ING4: variants seen among roughly 807,000 people sequenced by gnomAD.
ING4 encodes the protein inhibitor of growth protein 4.
In ING4, 28 loss-of-function variants were observed where a neutral mutation model predicts 33.1. The observed-to-expected ratio is 0.85, with a 90% confidence interval of 0.63 to 1.16. The LOEUF is 1.16. ING4 is among the 50% of genes most tolerant of loss of function. The pLI is 0.00. For synonymous variants in ING4, 87 were observed against 104.4 expected, an observed-to-expected ratio of 0.83 and a Z score of 1.02; for missense variants, 247 against 314.7, an observed-to-expected ratio of 0.78 and a Z score of 1.63.
chr12:6,659,123 T>C (rs1472845574), intron 1 of ING4, among the ~76,000 whole-genome samples: 2 of 152,222 alleles, frequency 1.3e-5, no homozygotes. Flanking sequence ...CAACTGTAAT[T>C]AAATAAATGT....
At chr12:6,651,978 G>C (rs1949195897) in intron 6 of ING4, among the ~76,000 whole-genome samples, 1 of 150,898 alleles carries the variant, frequency 6.6e-6, no homozygotes, top group Admixed American at 6.7e-5. Flanking sequence ...TCTCGCCTCA[G>C]CCTCCCGAGT....
At chr12:6,652,221 T>C (rs1184555139) in intron 6 of ING4, 50 bp downstream of exon 6, 1 of 1,590,934 alleles carries the variant, frequency 6.3e-7, no homozygotes, top group South Asian at 1.1e-5. Context: ...TTGTACCCAC[T>C]CCCTTCATGC....
At chr12:6,660,750 G>A (rs1301287747) in intron 1 of ING4, among the ~76,000 whole-genome samples, 4 of 152,336 alleles carry the variant, frequency 2.6e-5, no homozygotes, top group Non-Finnish European at 5.9e-5. Context: ...ATCTAATGGT[G>A]TTATTAAGCC....
In ING4 at chr12:6,656,618, G is replaced by A. The variant is rs185477072; in HGVS notation, c.109+109C>T. The A allele has an allele frequency of 1.9e-4, 130 of 698,656 alleles. 1 individual carries two copies. In the East Asian group the frequency reaches 3.6e-3, roughly 19 times the overall value. The allele number at this position is 698,656 out of a possible 1,614,324, so 43.3% of individuals were successfully genotyped here. On this transcript the variant is annotated intron_variant, in intron 2 of 7. Transcript: ENST00000341550. ...TTCCAAGAGCGTAAAAAAGGAGCGAGAGAAGCCACAGTTCTCCAGATCATA... is the reference window on the plus strand; with the variant it reads ...TTCCAAGAGCGTAAAAAAGGAGCGAAAGAAGCCACAGTTCTCCAGATCATA...
rs2136274854 is a variant in ING4 at position 6,656,727 on chromosome 12, C to T, written c.109G>A (p.Asp37Asn). Residue 37 changes from aspartate to asparagine, a missense_variant and splice_region_variant, in exon 2 of 8, where the codon GAC becomes AAC. Physicochemically the swap from Asp to Asn is conservative, Grantham distance 23 (BLOSUM62 1). This residue lies in a region of ING4 where 198 missense variants were observed against 221.2 expected (regional missense o/e 0.89). Coordinates refer to ENST00000341550, the MANE Select transcript of ING4 (RefSeq NM_016162.4). ...CAAAAACTTTTTACTCTATACATAC[C>T]CTCTGTTCTTTGGTCTAGGTCCCTC... Reference protein sequence around the residue: ...LMRDLDQRTEDLKAEIDKLAT... With the variant: ...LMRDLDQRTENLKAEIDKLAT... 1 of 1,553,690 alleles carries T rather than the reference C, an allele frequency of 6.4e-7. No individual in the cohort carries two copies. The highest frequency in any genetic ancestry group is 2.3e-5 in the East Asian group (1 of 42,756).
intron 2 of ING4, among the ~76,000 whole-genome samples, chr12:6,655,386 T>C (rs927243717): frequency 6.6e-6 from 1 of 152,210 alleles, no homozygotes. Context: ...TCCCAGGACA[T>C]TGAGACTATA....
At chr12:6,661,417 T>G (rs1394023882) in intron 1 of ING4, among the ~76,000 whole-genome samples, 1 of 147,868 alleles carries the variant, frequency 6.8e-6, no homozygotes, top group Admixed American at 6.7e-5. Context: ...TTTTTTTTTT[T>G]TTTTTTTTTT....
At chr12:6,657,216 G>A (rs570964008) in intron 1 of ING4, among the ~76,000 whole-genome samples, 5 of 152,166 alleles carry the variant, frequency 3.3e-5, no homozygotes, top group East Asian at 3.9e-4. Context: ...TTGGGAGGCC[G>A]AGGAGAGCAG....
intron 2 of ING4, among the ~76,000 whole-genome samples, chr12:6,654,972 G>A (rs1474894213): frequency 5.3e-5 from 8 of 152,180 alleles, no homozygotes; most frequent in South Asian, 4.2e-4. Context: ...TGATCTGCCC[G>A]CCTCGGCCTC....
At chr12:6,656,654 C>T (rs533366846) in intron 2 of ING4, 73 bp downstream of exon 2, 8 of 848,594 alleles carry the variant, frequency 9.4e-6, no homozygotes, top group Middle Eastern at 2.2e-4. Context: ...CCAGATGATA[C>T]GGTAACATCA....
At chr12:6,662,468 T>C (rs1406313388) in intron 1 of ING4, among the ~76,000 whole-genome samples, 2 of 152,096 alleles carry the variant, frequency 1.3e-5, no homozygotes, top group African/African-American at 2.4e-5. Context: ...TAAATATTTG[T>C]TGAATAAATG....
At chr12:6,657,329 C>A (rs7979340) in intron 1 of ING4, among the ~76,000 whole-genome samples, 2 of 151,296 alleles carry the variant, frequency 1.3e-5, no homozygotes, top group African/African-American at 4.9e-5. Flanking sequence ...GGCGCCTGTA[C>A]TCCCAGCTAC....
At position 6,652,837 on chromosome 12, in the gene ING4, C is replaced by G. The variant is rs1170187199; in HGVS notation, c.392-70G>C. ...GATGGGTTAAGTCCTCTTCTCTCCC[C>G]CTTTCCAACCTGGTGCCAAACTTCC... is the stretch of plus-strand genomic sequence containing the variant. On this transcript the variant is annotated intron_variant, in intron 4 of 7. Transcript: ENST00000341550. 7 of 1,565,114 alleles carry G rather than the reference C, an allele frequency of 4.5e-6. No individual in the cohort carries two copies. In the Admixed American group the frequency reaches 1.0e-4, roughly 22 times the overall value.
chr12:6,653,483 C>G (rs1949251103), intron 2 of ING4, 87 bp from the exon 3 acceptor site: 2 of 1,275,632 alleles, frequency 1.6e-6, no homozygotes, highest in South Asian at 3.0e-5. Context: ...GGACCTTTTC[C>G]ATTGATTAGC....
intron 1 of ING4, among the ~76,000 whole-genome samples, chr12:6,658,023 G>A (rs1269317999): frequency 2.7e-5 from 4 of 150,610 alleles, no homozygotes; most frequent in Non-Finnish European, 4.4e-5. Flanking sequence ...GCAGTGGCAC[G>A]ATCTTGGCTC....
At chr12:6,656,537 C>G in intron 2 of ING4, 190 bp downstream of exon 2, 1 of 521,256 alleles carries the variant, frequency 1.9e-6, no homozygotes, top group Admixed American at 4.3e-5. Context: ...TCACAATACT[C>G]TATTTGTTAT....
rs184942338 is a variant in ING4 at position 6,650,892 on chromosome 12, G to C, written c.*303C>G. ...AATACAAAGCAAGGAGAATGAAAAGGACCCTCCCTCTGAAATACAGCACCG... is the reference window on the plus strand; with the variant it reads ...AATACAAAGCAAGGAGAATGAAAAGCACCCTCCCTCTGAAATACAGCACCG... On this transcript the variant is annotated 3_prime_UTR_variant, in exon 8 of 8. Coordinates refer to ENST00000341550, the MANE Select transcript of ING4 (RefSeq NM_016162.4). 1.1e-5 allele frequency: 5 copies of C among 473,284 alleles called. No homozygotes were observed. The highest frequency in any genetic ancestry group is 3.6e-5 in the East Asian group (1 of 27,402). 29.3% of individuals were successfully genotyped at this position (473,284 alleles called of 1,614,324 possible). A position where few individuals can be genotyped will look rare whatever the true frequency, so the allele number is the denominator to read the frequency against.
At chr12:6,658,123 C>T (rs374302902) in intron 1 of ING4, among the ~76,000 whole-genome samples, 2 of 151,432 alleles carry the variant, frequency 1.3e-5, no homozygotes, top group East Asian at 4.1e-4. Flanking sequence ...CCACACCCGA[C>T]TAATTTTTGT....
At chr12:6,658,755 TA>T (rs1297177057) in intron 1 of ING4, among the ~76,000 whole-genome samples, 1 of 152,190 alleles carries the variant, frequency 6.6e-6, no homozygotes, top group Non-Finnish European at 1.5e-5. Flanking sequence ...CTCCCGCTTA[TA>T]ACCTTCTGGT....
Sources: allele counts gnomAD v4.1 joint callset (sites outside exome capture counted in the v4.1 genomes callset), GRCh38; gene constraint gnomAD v4.1.1; regional missense constraint gnomAD v4.1.1; transcripts MANE v1.5; gene names NCBI Gene and HGNC (gene_info 2026-07-23, HGNC 2026-07-21).